The following COPG2 variants were observed in gnomAD, a reference collection of about 807,000 sequenced individuals.
COPG2 encodes coat protein complex I subunit gamma 2.
A neutral mutation model predicts 46.3 loss-of-function variants in COPG2; 37 were observed. The observed-to-expected ratio is 0.80, with a 90% CI of 0.61 to 1.05. The LOEUF (loss-of-function observed/expected upper bound fraction) is 1.05, where lower values mean the gene tolerates loss of function less well. Among genes scored for constraint, COPG2 ranks in the 50% least tolerant of loss-of-function variants. The pLI is 0.00. For synonymous variants in COPG2, 159 were observed against 129.7 expected, an observed-to-expected ratio of 1.23 and a Z score of -1.53; for missense variants, 427 against 387.8, an observed-to-expected ratio of 1.10 and a Z score of -0.85.
At chr7:130,513,656 A>C (rs527850062) in intron 20 of COPG2, among the ~76,000 whole-genome samples, 3 of 152,166 alleles carry the variant, frequency 2.0e-5, no homozygotes, top group African/African-American at 7.2e-5. Context: ...AAGGTCAAGG[A>C]GTTTAAATGG....
At chr7:130,641,166 C>G (rs1795457082) in intron 5 of COPG2, among the ~76,000 whole-genome samples, 2 of 130,310 alleles carry the variant, frequency 1.5e-5, no homozygotes, top group South Asian at 5.5e-4. Context: ...ATAGCAAGAC[C>G]CTACCTCTCA....
At chr7:130,655,255 T>G (rs79470262) in intron 4 of COPG2, among the ~76,000 whole-genome samples, 1 of 150,708 alleles carries the variant, frequency 6.6e-6, no homozygotes, top group African/African-American at 2.4e-5. Context: ...AGTTTGTTTG[T>G]TTTTTTTTCA....
intron 9 of COPG2, among the ~76,000 whole-genome samples, chr7:130,579,624 C>G (rs1794092275): frequency 6.6e-6 from 1 of 152,102 alleles, no homozygotes; most frequent in Non-Finnish European, 1.5e-5. Context: ...CAGAGACACA[C>G]ACAGGCTCAA....
chr7:130,594,590 G>T (rs1177938638), intron 9 of COPG2, among the ~76,000 whole-genome samples: 1 of 152,114 alleles, frequency 6.6e-6, no homozygotes, highest in African/African-American at 2.4e-5. Flanking sequence ...AGAATTGGAG[G>T]AAACATTTAT....
At chr7:130,658,070 T>C (rs1351582476) in intron 4 of COPG2, among the ~76,000 whole-genome samples, 1 of 152,174 alleles carries the variant, frequency 6.6e-6, no homozygotes, top group East Asian at 1.9e-4. Context: ...TAAAAATGTA[T>C]GTTCATCCAA....
chr7:130,635,861 A>G (rs1795327585), intron 5 of COPG2, among the ~76,000 whole-genome samples: 1 of 152,168 alleles, frequency 6.6e-6, no homozygotes, highest in Non-Finnish European at 1.5e-5. Context: ...ATTTCCCTCT[A>G]AACACTGCTT....
At chr7:130,553,408 A>T (rs893388735) in intron 14 of COPG2, among the ~76,000 whole-genome samples, 10 of 152,122 alleles carry the variant, frequency 6.6e-5, no homozygotes, top group Admixed American at 2.0e-4. Context: ...TCAGATAGCT[A>T]GGGATCTGAA....
intron 5 of COPG2, among the ~76,000 whole-genome samples, chr7:130,620,435 T>C (rs1554453465): frequency 6.6e-6 from 1 of 152,212 alleles, no homozygotes. Context: ...CACAACCCTC[T>C]GGCCCATAGA....
At chr7:130,641,592 T>C (rs919663161) in intron 5 of COPG2, among the ~76,000 whole-genome samples, 45 of 152,206 alleles carry the variant, frequency 3.0e-4, no homozygotes, top group Non-Finnish European at 5.4e-4. Context: ...GAAAATTAAC[T>C]TTTAAAATTA....
intron 4 of COPG2, among the ~76,000 whole-genome samples, chr7:130,661,948 T>C (rs1456169850): frequency 6.6e-6 from 1 of 152,126 alleles, no homozygotes; most frequent in Non-Finnish European, 1.5e-5. Context: ...GGTGGCTCAG[T>C]TACAATGCAA....
chr7:130,586,818 T>C (rs1177178991), intron 9 of COPG2, among the ~76,000 whole-genome samples: 1 of 151,990 alleles, frequency 6.6e-6, no homozygotes, highest in Non-Finnish European at 1.5e-5. Context: ...AATGTGAATC[T>C]TTTCCTTCCT....
intron 9 of COPG2, among the ~76,000 whole-genome samples, chr7:130,565,428 C>T (rs1337312292): frequency 6.6e-6 from 1 of 152,066 alleles, no homozygotes; most frequent in African/African-American, 2.4e-5. Flanking sequence ...ACAACAAAAA[C>T]AACAAACCCC....
At chr7:130,659,360 A>AAAAAAAAAAAAAAC (rs1795926707) in intron 4 of COPG2, among the ~76,000 whole-genome samples, 1 of 149,884 alleles carries the variant, frequency 6.7e-6, no homozygotes, top group Non-Finnish European at 1.5e-5. Flanking sequence ...GTCTCAAAAA[A>AAAAAAAAAAAAAAC]AAAAAAAACG....
chr7:130,515,328 T>C (rs1028094015), intron 20 of COPG2, among the ~76,000 whole-genome samples: 11 of 151,896 alleles, frequency 7.2e-5, no homozygotes, highest in South Asian at 4.2e-4. Flanking sequence ...AGGAGAAAGA[T>C]AGAGAGTGGG....
At chr7:130,537,081 T>G (rs919531960) in intron 20 of COPG2, among the ~76,000 whole-genome samples, 1 of 151,754 alleles carries the variant, frequency 6.6e-6, no homozygotes, top group South Asian at 2.1e-4. Flanking sequence ...TGAGACTGGG[T>G]GCATTCGTAC....
At chr7:130,507,898 G>C in intron 21 of COPG2, 75 bp from the exon 22 acceptor site, 1 of 732,598 alleles carries the variant, frequency 1.4e-6, no homozygotes, top group Non-Finnish European at 2.5e-6. Flanking sequence ...TAGTCAATAT[G>C]GTCCTCCGGA....
In COPG2 at chr7:130,554,518, A is replaced by G. The variant is rs932318250; in HGVS notation, c.1431T>C (p.Phe477=). The change falls in exon 14 of 24, where the codon TTT becomes TTC. Residue 477 remains phenylalanine (F), a synonymous_variant. Transcript: ENST00000425248. ...CCTCATTCTCCAGGACAACCCTATTAAAAATAAAACGGATATATTTGGAGG... is the reference window on the plus strand; with the variant it reads ...CCTCATTCTCCAGGACAACCCTATTGAAAATAAAACGGATATATTTGGAGG... ...PVPSKYIRFI[F]NRVVLENEAV... The G allele has an allele frequency of 5.0e-6, 2 of 398,500 alleles. No homozygotes were observed. Among genetic ancestry groups the G allele is most frequent in the Non-Finnish European group, 8.8e-6 (2 of 226,082 alleles). 24.7% of individuals were successfully genotyped at this position (398,500 alleles called of 1,614,324 possible). A position where few individuals can be genotyped will look rare whatever the true frequency, so the allele number is the denominator to read the frequency against.
At chr7:130,665,377 T>C (rs1554461275) in intron 3 of COPG2, among the ~76,000 whole-genome samples, 1 of 152,210 alleles carries the variant, frequency 6.6e-6, no homozygotes, top group African/African-American at 2.4e-5. Flanking sequence ...ATGTATGTTT[T>C]ATGTGTCCGT....
At chr7:130,538,625 C>T (rs1584966840) in intron 20 of COPG2, among the ~76,000 whole-genome samples, 1 of 151,078 alleles carries the variant, frequency 6.6e-6, no homozygotes, top group Non-Finnish European at 1.5e-5. Context: ...GGCATCACTG[C>T]ACATTCAGAC....
Sources: gnomAD v4.1 joint callset for allele counts (sites outside exome capture counted in the v4.1 genomes callset) on GRCh38, gnomAD v4.1.1 for gene constraint, MANE v1.5 for transcripts, NCBI Gene and HGNC (gene_info 2026-07-23, HGNC 2026-07-21) for gene names.